ROBO2: variants seen among roughly 807,000 people sequenced by gnomAD.
The protein encoded by ROBO2 is roundabout homolog 2.
ROBO2 carries 53 observed loss-of-function variants against 160.8 expected under a neutral mutation model. That is an observed-to-expected ratio of 0.33 (90% CI 0.26 to 0.41). ROBO2 has a LOEUF of 0.41. Ranked by LOEUF, ROBO2 falls within the 10% of genes least tolerant of loss-of-function variation. ROBO2 has a pLI of 1.00. For synonymous variants in ROBO2, 664 were observed against 611.7 expected (o/e 1.09, Z -1.26); for missense variants, 1,577 against 1,722.4 (o/e 0.92, Z 1.49).
intron 2 of ROBO2, among the ~76,000 whole-genome samples, chr3:77,249,277 G>T (rs1177108066): frequency 6.6e-6 from 1 of 152,126 alleles, no homozygotes; most frequent in East Asian, 1.9e-4. Flanking sequence ...ATTCTGTTTT[G>T]TCTTCTCTGT....
intron 3 of ROBO2, among the ~76,000 whole-genome samples, chr3:77,480,316 T>G (rs2084536229): frequency 6.9e-6 from 1 of 145,788 alleles, no homozygotes; most frequent in African/African-American, 2.5e-5. Context: ...AAAAAAAAAC[T>G]GGAAAAGAAA....
intron 2 of ROBO2, among the ~76,000 whole-genome samples, chr3:76,587,221 G>A (rs2086101814): frequency 6.6e-6 from 1 of 151,926 alleles, no homozygotes; most frequent in South Asian, 2.1e-4. Context: ...TGTTTTTATT[G>A]CTTTTTCTCC....
chr3:76,765,796 G>T (rs2061547946), intron 2 of ROBO2, among the ~76,000 whole-genome samples: 1 of 151,604 alleles, frequency 6.6e-6, no homozygotes. Context: ...AGACACTCCA[G>T]GTGCAAACTA....
At position 76,993,883 on chromosome 3, in the gene ROBO2, TA is replaced by T. The variant is rs35033738; in HGVS notation, c.110-104119del. Among the ~76,000 whole-genome samples the T allele has an allele frequency of 6.8e-3, 974 of 143,332 alleles. 9 individuals carry two copies. The highest frequency in any genetic ancestry group is 0.019 in the African/African-American group (746 of 39,548). The allele number at this position is 143,332 out of a possible 152,430, so 94.0% of individuals were successfully genotyped here. A position where few individuals can be genotyped will look rare whatever the true frequency, so the allele number is the denominator to read the frequency against. On this transcript the variant is annotated intron_variant, in intron 2 of 26. Transcript: ENST00000487694. ...TATATTTTTTTAACTTTAGCTTTTG[TA>T]AAAAAAAAAAACAAAACATTGTAAG...
chr3:76,209,954 G>T (rs187923682), intron 2 of ROBO2, among the ~76,000 whole-genome samples: 1 of 151,946 alleles, frequency 6.6e-6, no homozygotes, highest in African/African-American at 2.4e-5. Context: ...TTAAATGATG[G>T]AATATTATAG....
At chr3:77,353,672 G>A (rs150476130) in intron 2 of ROBO2, among the ~76,000 whole-genome samples, 1,541 of 151,982 alleles carry the variant, frequency 0.01, 21 homozygotes, top group African/African-American at 0.035. Context: ...CACCATGCCC[G>A]GCTAATTTTT....
intron 2 of ROBO2, among the ~76,000 whole-genome samples, chr3:76,555,432 G>GGA (rs2083721513): frequency 2.2e-5 from 2 of 91,614 alleles, no homozygotes; most frequent in Non-Finnish European, 4.8e-5. Context: ...AAGGAGAAGG[G>GGA]GAAGGGGAAG....
chr3:76,172,062 C>T (rs1454455038), intron 2 of ROBO2, among the ~76,000 whole-genome samples: 4 of 152,116 alleles, frequency 2.6e-5, no homozygotes, highest in Non-Finnish European at 5.9e-5. Context: ...CAGGCCCAAA[C>T]CACACAGCAA....
At chr3:76,782,544 A>G (rs72894268) in intron 2 of ROBO2, among the ~76,000 whole-genome samples, 1,551 of 150,938 alleles carry the variant, frequency 0.01, 22 homozygotes, top group African/African-American at 0.035. Context: ...TTTACTTTAT[A>G]TATCATGATG....
chr3:76,257,761 A>G (rs1056548177), intron 2 of ROBO2, among the ~76,000 whole-genome samples: 6 of 151,984 alleles, frequency 3.9e-5, no homozygotes, highest in African/African-American at 7.3e-5. Context: ...GCTGATCGCT[A>G]TTGTATAGTG....
intron 2 of ROBO2, among the ~76,000 whole-genome samples, chr3:76,516,706 G>C (rs2081363904): frequency 6.6e-6 from 1 of 152,068 alleles, no homozygotes; most frequent in Non-Finnish European, 1.5e-5. Context: ...TCTGTTTTCT[G>C]ATCTTTTAAT....
At chr3:77,274,300 T>G (rs768314707) in intron 2 of ROBO2, among the ~76,000 whole-genome samples, 27 of 152,172 alleles carry the variant, frequency 1.8e-4, no homozygotes, top group Admixed American at 3.3e-4. Flanking sequence ...GCCAAATAAC[T>G]TGGCATGATT....
At chr3:77,482,896 T>A (rs1055808726) in intron 4 of ROBO2, among the ~76,000 whole-genome samples, 1 of 152,036 alleles carries the variant, frequency 6.6e-6, no homozygotes, top group Non-Finnish European at 1.5e-5. Flanking sequence ...CAGTATAGAC[T>A]GCCTTCAGAA....
intron 2 of ROBO2, among the ~76,000 whole-genome samples, chr3:76,931,405 A>G (rs1482967766): frequency 6.6e-6 from 1 of 152,130 alleles, no homozygotes; most frequent in Non-Finnish European, 1.5e-5. Flanking sequence ...TTGGAGACAC[A>G]TTTTCTGTAG....
At chr3:76,227,301 C>T (rs1479100230) in intron 2 of ROBO2, among the ~76,000 whole-genome samples, 2 of 152,154 alleles carry the variant, frequency 1.3e-5, no homozygotes, top group Non-Finnish European at 2.9e-5. Context: ...TGTAAGGGCA[C>T]AGTATGGGAT....
intron 2 of ROBO2, among the ~76,000 whole-genome samples, chr3:75,971,736 G>A (rs1327028198): frequency 6.6e-6 from 1 of 151,378 alleles, no homozygotes; most frequent in African/African-American, 2.4e-5. Flanking sequence ...GGGCAATACA[G>A]CATGTATACA....
intron 2 of ROBO2, among the ~76,000 whole-genome samples, chr3:77,236,918 G>A (rs952397213): frequency 6.6e-6 from 1 of 152,084 alleles, no homozygotes; most frequent in African/African-American, 2.4e-5. Context: ...AGATTGCCTA[G>A]GCTGGAGTGC....
At chr3:76,279,756 C>T (rs1423260330) in intron 2 of ROBO2, among the ~76,000 whole-genome samples, 2 of 151,920 alleles carry the variant, frequency 1.3e-5, no homozygotes, top group African/African-American at 4.8e-5. Flanking sequence ...AAGATAAAAA[C>T]ATAACGTAAC....
Position 76,526,845 on chromosome 3 carries a change from CAG to C in ROBO2, c.110-571167_110-571166del, listed in dbSNP as rs768670073. On this transcript the variant is annotated intron_variant, in intron 2 of 26. Coordinates refer to the ROBO2 transcript ENST00000487694. The stretch of plus-strand genomic sequence containing the variant: ...TTATGAATGTATAATGGGAAGTTAA[CAG>C]AATATGTCACCTTTTGATTAGTTTC... 1.2e-4 allele frequency among the ~76,000 whole-genome samples: 19 copies of C among 152,132 alleles called. No homozygotes were observed. In the East Asian group the frequency reaches 3.5e-3, roughly 28 times the overall value.
Sources: gnomAD v4.1 joint callset for allele counts (sites outside exome capture counted in the v4.1 genomes callset) on GRCh38, gnomAD v4.1.1 for gene constraint, MANE v1.5 for transcripts, NCBI Gene and HGNC (gene_info 2026-07-23, HGNC 2026-07-21) for gene names.